Variants in DHRS7C observed in about 807,000 individuals in gnomAD.
The protein encoded by DHRS7C is dehydrogenase/reductase SDR family member 7C.
A neutral mutation model predicts 29.6 loss-of-function variants in DHRS7C; 28 were observed. That is an observed-to-expected ratio of 0.95 (90% CI 0.70 to 1.30). The LOEUF is 1.30. DHRS7C is among the 50% of genes most tolerant of loss of function. DHRS7C has a pLI of 0.00. For missense variants in DHRS7C, 403 were observed against 393.3 expected (o/e 1.02, Z -0.21); for synonymous variants, 158 against 160.2 (o/e 0.99, Z 0.10).
chr17:9,786,946 C>A (rs898729585), intron 1 of DHRS7C, among the ~76,000 whole-genome samples: 1 of 152,010 alleles, frequency 6.6e-6, no homozygotes, highest in African/African-American at 2.4e-5. Flanking sequence ...TGATGATGAG[C>A]ATCTATTTTT....
At chr17:9,778,317 C>G (rs1302270563) in intron 3 of DHRS7C, among the ~76,000 whole-genome samples, 4 of 150,962 alleles carry the variant, frequency 2.6e-5, no homozygotes. Flanking sequence ...TTGCTTGAAC[C>G]TGGGAGGTGG....
At position 9,779,829 on chromosome 17, in the gene DHRS7C, C is replaced by T. The variant is rs183133875; in HGVS notation, c.474G>A (p.Thr158=). The T allele has an allele frequency of 1.5e-4, 244 of 1,611,530 alleles. No homozygotes were observed. Among genetic ancestry groups the T allele is most frequent in the East Asian group, 2.9e-4 (13 of 44,848 alleles). Residue 158 remains threonine (T), a synonymous_variant, in exon 3 of 6, where the codon ACG becomes ACA. Transcript: ENST00000571134. ...DANYFGPITL[T]KALLPNMISR... ...GGAAAGTCAAACTCACGAGACCTTT[C>T]GTCAATGTGATGGGGCCAAAGTAAT...
At chr17:9,781,330 C>T (rs923067253) in intron 2 of DHRS7C, among the ~76,000 whole-genome samples, 152 bp downstream of exon 2, 22 of 152,212 alleles carry the variant, frequency 1.4e-4, no homozygotes, top group Non-Finnish European at 1.0e-4. Context: ...GAATGGCAAA[C>T]ATGCCTATGT....
intron 1 of DHRS7C, among the ~76,000 whole-genome samples, chr17:9,787,198 G>A (rs572415462): frequency 2.4e-4 from 37 of 152,270 alleles, no homozygotes; most frequent in Non-Finnish European, 2.6e-4. Flanking sequence ...CCCCTGCTTC[G>A]GTCTCCCAAA....
Position 9,791,234 on chromosome 17 carries a change from G to T in DHRS7C, c.51C>A (p.Ser17Arg). ...CCTCTTGGTAAATGAAGAGGAGGCC[G>T]CTGATTCCCAGCAGCAGCAGGGGGA... ...LMLPLLLLGI[S>R]GLLFIYQEVS... Residue 17 changes from serine (S) to arginine (R), a missense_variant, in exon 1 of 6, where the codon AGC (serine) becomes AGA (arginine). Coordinates refer to ENST00000571134, the MANE Select transcript of DHRS7C (RefSeq NM_001105571.3). 6.2e-7 allele frequency: 1 copy of T among 1,613,588 alleles called. No homozygotes were observed.
chr17:9,773,004 G>A (rs1350997801), intron 4 of DHRS7C, 82 bp from the exon 5 acceptor site: 1 of 1,516,780 alleles, frequency 6.6e-7, no homozygotes. Context: ...CAGGAGGGCC[G>A]ACAGACACAT....
intron 1 of DHRS7C, among the ~76,000 whole-genome samples, 176 bp from the exon 2 acceptor site, chr17:9,781,770 GC>G (rs1234128240): frequency 1.3e-5 from 2 of 152,214 alleles, no homozygotes; most frequent in East Asian, 1.9e-4. Flanking sequence ...GTCATTTCCA[GC>G]CTCTGCTTAG....
Position 9,771,823 on chromosome 17 carries a change from C to G in DHRS7C, c.728-127G>C, listed in dbSNP as rs1056982420. The G allele has an allele frequency of 8.2e-6, 8 of 973,972 alleles. No homozygotes were observed. The African/African-American group carries it at 1.2e-4, about 14-fold the overall frequency. 60.3% of individuals were successfully genotyped at this position (973,972 alleles called of 1,614,324 possible). On this transcript the variant is annotated intron_variant, in intron 5 of 5. Transcript: ENST00000571134. ...TGTCCCCGGAGTCACAGGTTCCAGG[C>G]CCCCTCCGCCACCCGCGGACCGCGG...
intron 1 of DHRS7C, among the ~76,000 whole-genome samples, chr17:9,788,750 C>A (rs1597931810): frequency 6.6e-6 from 1 of 152,180 alleles, no homozygotes; most frequent in South Asian, 2.1e-4. Flanking sequence ...CCACTCAGTG[C>A]CCTGGACTTA....
intron 2 of DHRS7C, 24 bp from the exon 3 acceptor site, chr17:9,780,059 G>T: frequency 6.2e-7 from 1 of 1,607,722 alleles, no homozygotes; most frequent in East Asian, 2.2e-5. Context: ...GAGAGAGTCA[G>T]GGTATGTGTG....
In DHRS7C at chr17:9,775,307, G is replaced by A. The variant is rs540392181; in HGVS notation, c.571+1886C>T. On this transcript the variant is annotated intron_variant, in intron 4 of 5. Transcript: ENST00000571134. This position sits in a 1 kb window ranked among gnomAD's most constrained non-coding sequence, Gnocchi z 4.2. ...GATGTGGCAAAGACTGCTGTATGTGGCCCATTCACTCTGCCCTTCTTCCTG... is the reference window on the plus strand; with the variant it reads ...GATGTGGCAAAGACTGCTGTATGTGACCCATTCACTCTGCCCTTCTTCCTG... Among the ~76,000 whole-genome samples, 14 of 152,346 alleles carry A rather than the reference G, an allele frequency of 9.2e-5. No homozygotes were observed. In the East Asian group the frequency reaches 1.7e-3, roughly 19 times the overall value.
chr17:9,775,609 C>T lies in DHRS7C; in HGVS notation c.571+1584G>A, dbSNP rs2152015395. Among the ~76,000 whole-genome samples, 1 of 152,262 alleles carries T rather than the reference C, an allele frequency of 6.6e-6. No individual in the cohort carries two copies. The highest frequency in any genetic ancestry group is 1.5e-5 in the Non-Finnish European group (1 of 68,016). ...CCTGTGGCATGGTGGCATCTGCTTG[C>T]CTGAGCCATTCCCATTGAGGTTACT... On this transcript the variant is annotated intron_variant, in intron 4 of 5. Coordinates refer to ENST00000571134, the MANE Select transcript of DHRS7C (RefSeq NM_001105571.3). The surrounding 1 kb of genome is among the most constrained non-coding windows in gnomAD (Gnocchi z 4.2).
rs570475684 is a variant in DHRS7C at position 9,773,023 on chromosome 17, G to A, written c.572-101C>T. 1.3e-5 allele frequency: 19 copies of A among 1,408,784 alleles called. No individual in the cohort carries two copies. In the African/African-American group the frequency reaches 2.7e-4, roughly 20 times the overall value. 87.3% of individuals were successfully genotyped at this position (1,408,784 alleles called of 1,614,324 possible). ...AGGGCCGACAGACACATTTCCTACAGGCGCAGAGCTGGGAAGATCCTCAAG... is the reference window on the plus strand; with the variant it reads ...AGGGCCGACAGACACATTTCCTACAAGCGCAGAGCTGGGAAGATCCTCAAG... On this transcript the variant is annotated intron_variant, in intron 4 of 5. Coordinates refer to ENST00000571134, the MANE Select transcript of DHRS7C (RefSeq NM_001105571.3).
intron 4 of DHRS7C, 34 bp from the exon 5 acceptor site, chr17:9,772,956 A>G: frequency 6.2e-7 from 1 of 1,609,586 alleles, no homozygotes; most frequent in Non-Finnish European, 8.5e-7. Flanking sequence ...TGGGCGCAGG[A>G]CACTCCCGGC....
rs2066353817 is a variant in DHRS7C at position 9,774,969 on chromosome 17, G to A, written c.572-2047C>T. On this transcript the variant is annotated intron_variant, in intron 4 of 5. Coordinates refer to ENST00000571134, the MANE Select transcript of DHRS7C (RefSeq NM_001105571.3). The surrounding 1 kb of genome is among the most constrained non-coding windows in gnomAD (Gnocchi z 5.0). ...AAGCCAGACCATGACTGATGGGGGT[G>A]GAGACAGCCTTGAGAGAATTCTGAG... Among the ~76,000 whole-genome samples the A allele has an allele frequency of 6.6e-6, 1 of 152,188 alleles. No individual in the cohort carries two copies. Among genetic ancestry groups the A allele is most frequent in the Admixed American group, 6.6e-5 (1 of 15,266 alleles).
chr17:9,789,551 C>T (rs2066442897), intron 1 of DHRS7C, among the ~76,000 whole-genome samples: 2 of 152,094 alleles, frequency 1.3e-5, no homozygotes, highest in South Asian at 4.2e-4. Context: ...CACACAGATA[C>T]AGCATGAGAA....
At chr17:9,777,395 C>T (rs1331556028) in intron 3 of DHRS7C, 110 bp from the exon 4 acceptor site, 16 of 730,106 alleles carry the variant, frequency 2.2e-5, no homozygotes, top group Middle Eastern at 2.5e-4. Flanking sequence ...GCTACCTCCG[C>T]GGTAACTAGA....
At chr17:9,789,810 C>T (rs1023501234) in intron 1 of DHRS7C, among the ~76,000 whole-genome samples, 1 of 152,184 alleles carries the variant, frequency 6.6e-6, no homozygotes, top group African/African-American at 2.4e-5. Context: ...CAGGGCGGCA[C>T]ACTCCCTGTT....
At chr17:9,780,569 T>C (rs2066387992) in intron 2 of DHRS7C, among the ~76,000 whole-genome samples, 1 of 152,228 alleles carries the variant, frequency 6.6e-6, no homozygotes, top group Non-Finnish European at 1.5e-5. Flanking sequence ...AAGACTCTAT[T>C]GATCTAGGGA....
Sources: allele counts gnomAD v4.1 joint callset (sites outside exome capture counted in the v4.1 genomes callset), GRCh38; gene constraint gnomAD v4.1.1; non-coding constraint Gnocchi (gnomAD v3.1); transcripts MANE v1.5; gene names NCBI Gene and HGNC (gene_info 2026-07-23, HGNC 2026-07-21).